Variants in TXNDC16 observed in about 807,000 individuals in gnomAD.
TXNDC16 encodes the protein thioredoxin domain containing 16, also known as thioredoxin domain-containing protein 16.
TXNDC16 carries 74 observed loss-of-function variants against 85.6 expected under a neutral mutation model. The observed-to-expected ratio is 0.86, with a 90% CI of 0.72 to 1.05. The LOEUF is 1.05. Among genes scored for constraint, TXNDC16 ranks in the 50% least tolerant of loss-of-function variants. The pLI, the probability that TXNDC16 is intolerant of heterozygous loss-of-function variation, is 0.00. For synonymous variants in TXNDC16, 335 were observed against 326.5 expected (o/e 1.03, Z -0.28); for missense variants, 959 against 947.0 (o/e 1.01, Z -0.17).
At chr14:52,508,099 A>C (rs1339155482) in intron 9 of TXNDC16, among the ~76,000 whole-genome samples, 2 of 152,210 alleles carry the variant, frequency 1.3e-5, no homozygotes, top group African/African-American at 4.8e-5. Flanking sequence ...TCTGCACAGC[A>C]AAAGAAACTA....
At chr14:52,537,843 A>T (rs961158601) in intron 4 of TXNDC16, among the ~76,000 whole-genome samples, 171 bp from the exon 5 acceptor site, 1 of 152,200 alleles carries the variant, frequency 6.6e-6, no homozygotes, top group Admixed American at 6.5e-5. Flanking sequence ...AGTGCATGAG[A>T]TAACCCAAAG....
In TXNDC16 at chr14:52,542,410, A is replaced by G; in HGVS notation, c.204T>C (p.Ala68=). The change falls in exon 4 of 21, where the codon GCT becomes GCC. Residue 68 remains alanine, a synonymous_variant. Coordinates refer to ENST00000281741, the MANE Select transcript of TXNDC16 (RefSeq NM_020784.3). Reference sequence around the variant, plus strand: ...TTCCATAGTCCTGCAGAGGTCTAACAGCCTCATTCAGTTCTTCAAGAAATA... The same window carrying G: ...TTCCATAGTCCTGCAGAGGTCTAACGGCCTCATTCAGTTCTTCAAGAAATA... ...TSVFLEELNE[A]VRPLQDYGIS... The G allele has an allele frequency of 6.2e-7, 1 of 1,612,880 alleles. No individual in the cohort carries two copies. The highest frequency in any genetic ancestry group is 1.1e-5 in the South Asian group (1 of 90,952).
chr14:52,445,258 ATAAG>A (rs1233912965), intron 18 of TXNDC16, among the ~76,000 whole-genome samples: 3 of 152,206 alleles, frequency 2.0e-5, no homozygotes, highest in Non-Finnish European at 4.4e-5. Context: ...TGTTACTTTA[ATAAG>A]TAATTTAGAA....
intron 16 of TXNDC16, among the ~76,000 whole-genome samples, chr14:52,465,496 G>A (rs539624042): frequency 6.6e-6 from 1 of 151,706 alleles, no homozygotes; most frequent in South Asian, 2.1e-4. Flanking sequence ...GGAGACTGAG[G>A]CAGGAGAATG....
chr14:52,482,153 T>C (rs2036164478), intron 14 of TXNDC16, 77 bp downstream of exon 14: 4 of 1,334,204 alleles, frequency 3.0e-6, no homozygotes, highest in Non-Finnish European at 4.1e-6. Flanking sequence ...GTTTTCTATA[T>C]TTTTTGCATG....
chr14:52,436,302 G>A (rs781718802), intron 20 of TXNDC16, among the ~76,000 whole-genome samples: 9 of 152,172 alleles, frequency 5.9e-5, no homozygotes, highest in Non-Finnish European at 1.2e-4. Flanking sequence ...TATGATAAGT[G>A]AAAGAAGTCA....
At chr14:52,470,858 CTTTCTAGCTTCTCCTT>C (rs1247633954) in intron 14 of TXNDC16, among the ~76,000 whole-genome samples, 178 bp from the exon 15 acceptor site, 3 of 152,180 alleles carry the variant, frequency 2.0e-5, no homozygotes, top group Non-Finnish European at 4.4e-5. Context: ...TTTTCCCTTC[CTTTCTAGCTTCTCCTT>C]TTTGTTCCCT....
Position 52,432,320 on chromosome 14 carries a change from C to T in TXNDC16, c.2462G>A (p.Cys821Tyr), listed in dbSNP as rs775834673. The T allele has an allele frequency of 1.0e-5, 16 of 1,604,288 alleles. No homozygotes were observed. In the Admixed American group the frequency reaches 2.0e-4, roughly 21 times the overall value. ...CCTATAAAATTAGTTCACTTTTGAGCATCCTAACTCTTTATCACGTCTAAA... is the reference window on the plus strand; with the variant it reads ...CCTATAAAATTAGTTCACTTTTGAGTATCCTAACTCTTTATCACGTCTAAA... Reference protein sequence around the residue: ...KSFRRDKELGCSKVN With the variant: ...KSFRRDKELGYSKVN The change falls in exon 21 of 21, where the codon TGC becomes TAC. Residue 821 changes from cysteine to tyrosine, a missense_variant. Transcript: ENST00000281741.
chr14:52,456,921 G>C (rs938969497), intron 17 of TXNDC16, among the ~76,000 whole-genome samples, 169 bp downstream of exon 17: 1 of 151,914 alleles, frequency 6.6e-6, no homozygotes, highest in Non-Finnish European at 1.5e-5. Flanking sequence ...AATAGCTAAA[G>C]AATCTAAAGT....
chr14:52,471,533 T>C lies in TXNDC16; in HGVS notation c.1313-853A>G, dbSNP rs2035907355. 2.0e-5 allele frequency among the ~76,000 whole-genome samples: 3 copies of C among 152,298 alleles called. No individual in the cohort carries two copies. The South Asian group carries it at 6.2e-4, about 32-fold the overall frequency. On this transcript the variant is annotated intron_variant, in intron 14 of 20. Transcript: ENST00000281741. Reference sequence around the variant, plus strand: ...TGATCTACATCAGGTTCCCTTGACATATGCTATTATAGAACCATGCTCTTT... The same window carrying C: ...TGATCTACATCAGGTTCCCTTGACACATGCTATTATAGAACCATGCTCTTT...
intron 14 of TXNDC16, among the ~76,000 whole-genome samples, chr14:52,475,024 C>G (rs946628394): frequency 5.3e-5 from 8 of 152,128 alleles, no homozygotes; most frequent in African/African-American, 1.9e-4. Flanking sequence ...AGATCGTCCA[C>G]CCCTGAACAC....
intron 6 of TXNDC16, among the ~76,000 whole-genome samples, chr14:52,529,905 T>C (rs1469518248): frequency 9.3e-6 from 1 of 107,726 alleles, no homozygotes; most frequent in East Asian, 2.8e-4. Flanking sequence ...TTATATATTA[T>C]ATATTATATA....
chr14:52,487,798 C>G (rs1224192120), intron 12 of TXNDC16, among the ~76,000 whole-genome samples: 1 of 152,118 alleles, frequency 6.6e-6, no homozygotes, highest in Non-Finnish European at 1.5e-5. Context: ...TATCAGCTAA[C>G]TCAGAGAATA....
intron 6 of TXNDC16, among the ~76,000 whole-genome samples, chr14:52,521,562 G>GA (rs2037212555): frequency 6.6e-6 from 1 of 152,146 alleles, no homozygotes; most frequent in African/African-American, 2.4e-5. Context: ...GAATGAAAGT[G>GA]AAAAAGCCAA....
At chr14:52,455,587 G>T in intron 17 of TXNDC16, 125 bp from the exon 18 acceptor site, 1 of 1,062,970 alleles carries the variant, frequency 9.4e-7, no homozygotes, top group Non-Finnish European at 1.3e-6. Context: ...GGAAAAAAAT[G>T]AACTCCATTT....
At chr14:52,494,817 G>A (rs2036494261) in intron 9 of TXNDC16, among the ~76,000 whole-genome samples, 1 of 152,196 alleles carries the variant, frequency 6.6e-6, no homozygotes, top group African/African-American at 2.4e-5. Context: ...GGAAGATGTA[G>A]GAATTAAGCA....
At chr14:52,475,870 C>T (rs1310071210) in intron 14 of TXNDC16, among the ~76,000 whole-genome samples, 2 of 152,160 alleles carry the variant, frequency 1.3e-5, no homozygotes, top group South Asian at 2.1e-4. Context: ...GGAGGTAAAC[C>T]AGCACAAAAA....
chr14:52,448,575 A>G (rs1380835974), intron 18 of TXNDC16, among the ~76,000 whole-genome samples: 1 of 152,152 alleles, frequency 6.6e-6, no homozygotes, highest in Admixed American at 6.5e-5. Flanking sequence ...GACACTAATG[A>G]GCAATAAAAA....
chr14:52,457,209 CT>C, intron 16 of TXNDC16, 35 bp from the exon 17 acceptor site: 1 of 1,278,144 alleles, frequency 7.8e-7, no homozygotes, highest in Non-Finnish European at 1.1e-6. Context: ...AATCTGAAAC[CT>C]TTATAATTAT....
Sources: allele counts gnomAD v4.1 joint callset (sites outside exome capture counted in the v4.1 genomes callset), GRCh38; gene constraint gnomAD v4.1.1; transcripts MANE v1.5; gene names NCBI Gene and HGNC (gene_info 2026-07-23, HGNC 2026-07-21).